Variants in PTCHD4 observed in about 807,000 individuals in gnomAD.
The protein encoded by PTCHD4 is patched domain-containing protein 4.
In PTCHD4, 33 loss-of-function variants were observed where a neutral mutation model predicts 58.1. That is an observed-to-expected ratio of 0.57 (90% CI 0.43 to 0.76). The LOEUF (loss-of-function observed/expected upper bound fraction) is 0.76. PTCHD4 is among the 30% of genes least tolerant of loss of function. PTCHD4 has a pLI of 0.00. For synonymous variants in PTCHD4, 478 were observed against 409.6 expected (o/e 1.17, Z -2.02); for missense variants, 1,058 against 1,027.1 (o/e 1.03, Z -0.41).
chr6:48,078,318 C>A (rs907652380), intron 1 of PTCHD4, among the ~76,000 whole-genome samples: 1 of 152,098 alleles, frequency 6.6e-6, no homozygotes, highest in Non-Finnish European at 1.5e-5. Flanking sequence ...GAGTGGCCCA[C>A]CACTCAAGAA....
intron 4 of PTCHD4, among the ~76,000 whole-genome samples, chr6:47,886,805 C>T (rs1764207220): frequency 6.6e-6 from 1 of 152,208 alleles, no homozygotes; most frequent in South Asian, 2.1e-4. Context: ...CTGATTCCTA[C>T]TTAGCATGTT....
chr6:47,914,744 T>TTATCTATCTATCTATC (rs148847302), intron 4 of PTCHD4, among the ~76,000 whole-genome samples: 2 of 116,232 alleles, frequency 1.7e-5, no homozygotes, highest in African/African-American at 3.0e-5. Context: ...TATCTATCTA[T>TTATCTATCTATCTATC]TATCTATCTA....
intron 4 of PTCHD4, among the ~76,000 whole-genome samples, chr6:47,954,609 G>T (rs1003912932): frequency 6.6e-6 from 1 of 152,178 alleles, no homozygotes; most frequent in Non-Finnish European, 1.5e-5. Flanking sequence ...TTTAAGTGTT[G>T]CAGCATTAGT....
At chr6:48,005,894 A>G (rs1418778592) in intron 4 of PTCHD4, among the ~76,000 whole-genome samples, 1 of 152,198 alleles carries the variant, frequency 6.6e-6, no homozygotes. Flanking sequence ...TGCCCAATAT[A>G]ACACACAGAG....
chr6:47,927,494 G>A (rs1324712454), intron 4 of PTCHD4, among the ~76,000 whole-genome samples: 1 of 152,046 alleles, frequency 6.6e-6, no homozygotes, highest in African/African-American at 2.4e-5. Flanking sequence ...ATGAAGAATG[G>A]GACAAAACAA....
rs571264820 is a variant in PTCHD4, at chr6:48,005,214, G to A, written c.898+3420C>T. ...CAGTACAGAGGCAAGATAGGCAGTCGAAGAGAAGACAGCTAAGCCAGTTCA... is the reference window on the plus strand; with the variant it reads ...CAGTACAGAGGCAAGATAGGCAGTCAAAGAGAAGACAGCTAAGCCAGTTCA... On this transcript the variant is annotated intron_variant, in intron 4 of 4. Coordinates refer to ENST00000339488, the MANE Select transcript of PTCHD4 (RefSeq NM_001384253.1). Among the ~76,000 whole-genome samples the A allele has an allele frequency of 2.2e-4, 33 of 152,288 alleles. No homozygotes were observed. The South Asian group carries it at 5.0e-3, about 23-fold the overall frequency.
chr6:48,031,220 G>C (rs547407409), intron 3 of PTCHD4, among the ~76,000 whole-genome samples: 2 of 152,108 alleles, frequency 1.3e-5, no homozygotes, highest in South Asian at 4.2e-4. Flanking sequence ...CCATTCACCA[G>C]GTAATGTTTA....
chr6:48,039,066 T>A (rs1426624572), intron 3 of PTCHD4, among the ~76,000 whole-genome samples: 1 of 152,174 alleles, frequency 6.6e-6, no homozygotes, highest in Non-Finnish European at 1.5e-5. Flanking sequence ...TGGACAAATT[T>A]TAGCATACAT....
chr6:47,954,040 CT>C (rs1023457436), intron 4 of PTCHD4, among the ~76,000 whole-genome samples: 48 of 152,090 alleles, frequency 3.2e-4, no homozygotes, highest in African/African-American at 9.9e-4. Context: ...TAGAAATTTA[CT>C]AATGAATTAG....
intron 3 of PTCHD4, among the ~76,000 whole-genome samples, chr6:48,066,246 A>G (rs1405640752): frequency 6.6e-6 from 1 of 152,162 alleles, no homozygotes; most frequent in African/African-American, 2.4e-5. Flanking sequence ...AGCACAACAA[A>G]TGATTATTAA....
At chr6:47,984,055 G>T (rs1767979841) in intron 4 of PTCHD4, among the ~76,000 whole-genome samples, 2 of 152,120 alleles carry the variant, frequency 1.3e-5, no homozygotes, top group Middle Eastern at 3.4e-3. Flanking sequence ...TGTTTTATTA[G>T]AAATATATTT....
intron 4 of PTCHD4, among the ~76,000 whole-genome samples, chr6:47,889,971 T>C (rs1469993378): frequency 6.6e-6 from 1 of 152,128 alleles, no homozygotes; most frequent in Non-Finnish European, 1.5e-5. Flanking sequence ...AAAGGGCTAA[T>C]ATCCAGAATT....
intron 4 of PTCHD4, among the ~76,000 whole-genome samples, chr6:47,928,541 T>C (rs1333946575): frequency 6.6e-6 from 1 of 152,224 alleles, no homozygotes; most frequent in African/African-American, 2.4e-5. Context: ...GGCCTACCAT[T>C]TAATTGACAT....
chr6:47,943,309 T>C (rs889265797), intron 4 of PTCHD4, among the ~76,000 whole-genome samples: 4 of 152,152 alleles, frequency 2.6e-5, no homozygotes, highest in Non-Finnish European at 5.9e-5. Flanking sequence ...TGCACAAAAC[T>C]TAAGATTATT....
chr6:48,066,124 A>G (rs1272087654), intron 3 of PTCHD4, among the ~76,000 whole-genome samples: 2 of 146,460 alleles, frequency 1.4e-5, no homozygotes, highest in Non-Finnish European at 3.0e-5. Flanking sequence ...TTGAGACGGG[A>G]TCCCTCTGTC....
chr6:47,920,789 A>C (rs1425428813), intron 4 of PTCHD4, among the ~76,000 whole-genome samples: 1 of 152,238 alleles, frequency 6.6e-6, no homozygotes, highest in Non-Finnish European at 1.5e-5. Flanking sequence ...GTAGGTTTAA[A>C]AAAGGTAAAA....
intron 3 of PTCHD4, among the ~76,000 whole-genome samples, chr6:48,035,147 T>G (rs1360474958): frequency 2.6e-5 from 4 of 152,264 alleles, no homozygotes; most frequent in Non-Finnish European, 2.9e-5. Context: ...GCTCTCTTTA[T>G]TTTGCAGAGA....
At chr6:48,029,364 CTGAAG>C (rs1403959526) in intron 3 of PTCHD4, among the ~76,000 whole-genome samples, 2 of 151,948 alleles carry the variant, frequency 1.3e-5, no homozygotes, top group African/African-American at 2.4e-5. Flanking sequence ...GACCATGCTA[CTGAAG>C]TGAGAAAAAA....
At chr6:47,897,644 TCCCAGATAAG>T (rs1485209285) in intron 4 of PTCHD4, among the ~76,000 whole-genome samples, 1 of 152,178 alleles carries the variant, frequency 6.6e-6, no homozygotes, top group East Asian at 1.9e-4. Context: ...TGGCTTCTGG[TCCCAGATAAG>T]GTCTCTATTC....
Sources: gnomAD v4.1 joint callset for allele counts (sites outside exome capture counted in the v4.1 genomes callset) on GRCh38, gnomAD v4.1.1 for gene constraint, MANE v1.5 for transcripts, NCBI Gene and HGNC (gene_info 2026-07-23, HGNC 2026-07-21) for gene names.